The following VPS13B variants were observed in gnomAD, a reference collection of about 807,000 sequenced individuals.
VPS13B encodes vacuolar protein sorting 13 homolog B.
In VPS13B, 285 loss-of-function variants were observed where a neutral mutation model predicts 426.4. That is an observed-to-expected ratio of 0.67 (90% CI 0.61 to 0.74). The LOEUF (loss-of-function observed/expected upper bound fraction) is 0.74. VPS13B is among the 30% of genes least tolerant of loss of function. The pLI is 0.00. For missense variants in VPS13B, 4,537 were observed against 4,782.6 expected, an observed-to-expected ratio of 0.95 and a Z score of 1.51; for synonymous variants, 1,676 against 1,676.4, an observed-to-expected ratio of 1.00 and a Z score of 0.01.
In VPS13B at chr8:99,041,140, G is replaced by A. The variant is rs993856722; in HGVS notation, c.291+2574G>A. Among the ~76,000 whole-genome samples the A allele has an allele frequency of 2.6e-5, 4 of 152,244 alleles. No homozygotes were observed. The East Asian group carries it at 5.8e-4, about 22-fold the overall frequency. On this transcript the variant is annotated intron_variant, in intron 3 of 61. Transcript: ENST00000357162. ...AGGATGACAGGGTGACCGAATTGTT[G>A]TGTTAGGTAAAATAAAGTCCATCTT...
chr8:99,244,275 A>G (rs114573048), intron 17 of VPS13B, among the ~76,000 whole-genome samples: 132 of 152,372 alleles, frequency 8.7e-4, no homozygotes, highest in African/African-American at 2.9e-3. Flanking sequence ...AAGTTATAAA[A>G]TAATTCTTTG....
Position 99,170,083 on chromosome 8 carries a change from A to T in VPS13B, c.2253A>T (p.Gly751=), listed in dbSNP as rs1812239434. ...GACTGACGTCTTTGGATTGCAGTGG[A>T]TCTTACTGCTTACCTGTACCAGTTA... ...QAGLTSLDCS[G]SYCLPVPVIP... is the part of the protein sequence containing the mutation. The change falls in exon 16 of 62, where the codon GGA becomes GGT. Residue 751 remains glycine (G), a synonymous_variant. Transcript: ENST00000357162. 2 of 1,612,852 alleles carry T rather than the reference A, an allele frequency of 1.2e-6. No individual in the cohort carries two copies. The highest frequency in any genetic ancestry group is 1.7e-6 in the Non-Finnish European group (2 of 1,179,000).
intron 17 of VPS13B, among the ~76,000 whole-genome samples, chr8:99,195,100 C>T (rs1813837610): frequency 6.6e-6 from 1 of 152,168 alleles, no homozygotes; most frequent in African/African-American, 2.4e-5. Context: ...CTGCCTCAAC[C>T]TCCCAAAGTG....
intron 33 of VPS13B, chr8:99,577,926 G>C (rs183019123): frequency 3.2e-5 from 13 of 400,116 alleles, no homozygotes; most frequent in South Asian, 1.9e-4. Context: ...AGTATGATGC[G>C]AGAATCCTGG....
chr8:99,706,063 CA>C (rs974823202), intron 36 of VPS13B, among the ~76,000 whole-genome samples: 4 of 151,906 alleles, frequency 2.6e-5, no homozygotes, highest in African/African-American at 9.7e-5. Flanking sequence ...CCTTGTTAGA[CA>C]AAAAACAAGC....
intron 17 of VPS13B, 107 bp downstream of exon 17, chr8:99,193,164 T>C (rs567719043): frequency 8.9e-7 from 1 of 1,126,636 alleles, no homozygotes; most frequent in African/African-American, 1.6e-5. Flanking sequence ...TAAATTGTAA[T>C]ATGTTTCTTT....
chr8:99,763,801 C>T (rs917118022), intron 39 of VPS13B, among the ~76,000 whole-genome samples: 10 of 152,096 alleles, frequency 6.6e-5, no homozygotes, highest in African/African-American at 2.2e-4. Context: ...AGTTTAATGC[C>T]ATGGATATGT....
chr8:99,197,163 A>T (rs866133004), intron 17 of VPS13B, among the ~76,000 whole-genome samples: 22 of 152,306 alleles, frequency 1.4e-4, no homozygotes, highest in Non-Finnish European at 2.8e-4. Flanking sequence ...TTGCATCCCA[A>T]GGATAAATAC....
intron 33 of VPS13B, among the ~76,000 whole-genome samples, chr8:99,631,317 C>G (rs1828837258): frequency 6.6e-6 from 1 of 152,076 alleles, no homozygotes. Flanking sequence ...ATAAAGAGGA[C>G]TAGGTCCAAC....
At chr8:99,453,677 A>G (rs926912328) in intron 23 of VPS13B, among the ~76,000 whole-genome samples, 8 of 152,172 alleles carry the variant, frequency 5.3e-5, no homozygotes, top group African/African-American at 1.9e-4. Context: ...AACCAAACCA[A>G]TATGGCAGCC....
At position 99,182,933 on chromosome 8, in the gene VPS13B, C is replaced by T. The variant is rs542944384; in HGVS notation, c.2334-9943C>T. Among the ~76,000 whole-genome samples, 49 of 152,142 alleles carry T rather than the reference C, an allele frequency of 3.2e-4. No individual in the cohort carries two copies. The East Asian group carries it at 7.9e-3, about 25-fold the overall frequency. On this transcript the variant is annotated intron_variant, in intron 16 of 61. Coordinates refer to ENST00000357162, the MANE Select transcript of VPS13B (RefSeq NM_152564.5). ...TGTATTTTTAGTAGAGACTGGGTTT[C>T]GGGTTTCATTATGTTGGCCAGACTT...
intron 47 of VPS13B, 81 bp downstream of exon 47, chr8:99,818,969 CG>C: frequency 1.3e-5 from 1 of 78,702 alleles, no homozygotes; most frequent in South Asian, 7.0e-5. Flanking sequence ...TGGGGGGCGG[CG>C]GGGGAGGGGT....
chr8:99,087,102 AC>A (rs1401877972), intron 3 of VPS13B, among the ~76,000 whole-genome samples: 1 of 152,158 alleles, frequency 6.6e-6, no homozygotes, highest in Non-Finnish European at 1.5e-5. Flanking sequence ...GGTGGGCTCC[AC>A]CCAGTTTGAG....
chr8:99,705,357 A>G (rs1425958999), intron 36 of VPS13B, among the ~76,000 whole-genome samples: 3 of 152,164 alleles, frequency 2.0e-5, no homozygotes, highest in Non-Finnish European at 4.4e-5. Flanking sequence ...AATAAAAACC[A>G]TAAATGTATG....
At chr8:99,520,615 T>G (rs983636045) in intron 29 of VPS13B, among the ~76,000 whole-genome samples, 1 of 152,090 alleles carries the variant, frequency 6.6e-6, no homozygotes. Context: ...ATTACTTATA[T>G]ATATTTAATA....
At position 99,111,018 on chromosome 8, in the gene VPS13B, A is replaced by G. The variant is rs114574908; in HGVS notation, c.581-80A>G. The G allele has an allele frequency of 3.6e-4, 385 of 1,056,748 alleles. 3 individuals are homozygous for G. The African/African-American group carries it at 5.1e-3, about 14-fold the overall frequency. The allele number at this position is 1,056,748 out of a possible 1,614,324, so 65.5% of individuals were successfully genotyped here. A position where few individuals can be genotyped will look rare whatever the true frequency, so the allele number is the denominator to read the frequency against. On this transcript the variant is annotated intron_variant, in intron 5 of 61. Coordinates refer to ENST00000357162, the MANE Select transcript of VPS13B (RefSeq NM_152564.5). ...ATTTTCTGTTATTATTAATTTTATT[A>G]CTATTTATACTAATAAATAATAGTT...
In VPS13B at chr8:99,459,168, C is replaced by T. The variant is rs529202838; in HGVS notation, c.3446-8246C>T. ...ATATGGTCTGTTTGGGAGATTGTTG[C>T]GTAGGCACTTGAACGTGTATTCTGC... is the stretch of plus-strand genomic sequence containing the variant. On this transcript the variant is annotated intron_variant, in intron 23 of 61. Coordinates refer to ENST00000357162, the MANE Select transcript of VPS13B (RefSeq NM_152564.5). 4.3e-4 allele frequency among the ~76,000 whole-genome samples: 66 copies of T among 152,166 alleles called. 1 individual carries two copies. The highest frequency in any genetic ancestry group is 2.9e-3 in the South Asian group (14 of 4,826).
intron 51 of VPS13B, among the ~76,000 whole-genome samples, chr8:99,828,394 G>GCTTT (rs1563495224): frequency 5.2e-4 from 9 of 17,446 alleles, no homozygotes; most frequent in Admixed American, 7.8e-4. Flanking sequence ...TACAACCACC[G>GCTTT]TTTTTTTTTT....
At chr8:99,210,812 G>A (rs957219552) in intron 17 of VPS13B, among the ~76,000 whole-genome samples, 5 of 151,998 alleles carry the variant, frequency 3.3e-5, no homozygotes, top group Non-Finnish European at 5.9e-5. Flanking sequence ...TGCCCAAGCT[G>A]GTCTCCAACT....
Sources: allele counts gnomAD v4.1 joint callset (sites outside exome capture counted in the v4.1 genomes callset), GRCh38; gene constraint gnomAD v4.1.1; transcripts MANE v1.5; gene names NCBI Gene and HGNC (gene_info 2026-07-23, HGNC 2026-07-21).